TGFB2: variants seen among roughly 807,000 people sequenced by gnomAD.
The protein encoded by TGFB2 is transforming growth factor beta-2 proprotein.
In TGFB2, 13 loss-of-function variants were observed where a neutral mutation model predicts 42.7. That is an observed-to-expected ratio of 0.30 (90% confidence interval 0.20 to 0.48). The LOEUF (loss-of-function observed/expected upper bound fraction) is 0.48. Among genes scored for constraint, TGFB2 ranks in the 20% least tolerant of loss-of-function variants. The pLI is 0.99. For synonymous variants in TGFB2, 193 were observed against 193.6 expected (o/e 1.00, Z 0.03); for missense variants, 390 against 517.5 (o/e 0.75, Z 2.39).
intron 1 of TGFB2, among the ~76,000 whole-genome samples, chr1:218,396,337 G>C (rs1658510742): frequency 6.6e-6 from 1 of 152,112 alleles, no homozygotes; most frequent in Non-Finnish European, 1.5e-5. Flanking sequence ...AACAATTTTT[G>C]GAGGCTCCAT....
chr1:218,379,280 C>T (rs1489756847), intron 1 of TGFB2, among the ~76,000 whole-genome samples: 5 of 151,588 alleles, frequency 3.3e-5, no homozygotes, highest in Non-Finnish European at 5.9e-5. Context: ...CTACAGGCGC[C>T]CGCCACCACA....
At position 218,379,172 on chromosome 1, in the gene TGFB2, A is replaced by T. The variant is rs534053058; in HGVS notation, c.347-25997A>T. The stretch of plus-strand genomic sequence containing the variant: ...TTTAGAGACGGAGTCTCACTCTGTC[A>T]CCCAGGCTGGAGTGCAGTGGTGCGA... On this transcript the variant is annotated intron_variant, in intron 1 of 6. Coordinates refer to ENST00000366930, the MANE Select transcript of TGFB2 (RefSeq NM_003238.6). Among the ~76,000 whole-genome samples, 381 of 138,064 alleles carry T rather than the reference A, an allele frequency of 2.8e-3. 2 individuals are homozygous for T. Among genetic ancestry groups the T allele is most frequent in the African/African-American group, 9.9e-3 (363 of 36,524 alleles). 90.6% of individuals were successfully genotyped at this position (138,064 alleles called of 152,430 possible). A position where few individuals can be genotyped will look rare whatever the true frequency, so the allele number is the denominator to read the frequency against.
intron 6 of TGFB2, 71 bp downstream of exon 6, chr1:218,437,567 T>A: frequency 6.8e-7 from 1 of 1,473,280 alleles, no homozygotes; most frequent in Non-Finnish European, 9.1e-7. Context: ...TATTTCCAAA[T>A]GAGTTGTAAT....
intron 2 of TGFB2, among the ~76,000 whole-genome samples, chr1:218,413,772 A>ATTGCAT (rs1254581739): frequency 6.6e-6 from 1 of 152,196 alleles, no homozygotes; most frequent in African/African-American, 2.4e-5. Context: ...TTAATGTCTC[A>ATTGCAT]TTGCATTTGC....
intron 2 of TGFB2, among the ~76,000 whole-genome samples, chr1:218,418,202 C>T (rs1659342878): frequency 6.6e-6 from 1 of 152,222 alleles, no homozygotes; most frequent in Non-Finnish European, 1.5e-5. Flanking sequence ...GGGGGCTATA[C>T]CTTGCAAAGC....
At chr1:218,350,595 G>T (rs927881420) in intron 1 of TGFB2, among the ~76,000 whole-genome samples, 2 of 152,304 alleles carry the variant, frequency 1.3e-5, no homozygotes, top group South Asian at 2.1e-4. Flanking sequence ...TATGATCAAA[G>T]CATATTCAAA....
At chr1:218,405,744 C>G (rs577215668) in intron 2 of TGFB2, among the ~76,000 whole-genome samples, 1 of 152,214 alleles carries the variant, frequency 6.6e-6, no homozygotes, top group South Asian at 2.1e-4. Flanking sequence ...ATTTTCTTAG[C>G]TGATATAAGC....
chr1:218,351,889 A>C (rs921001916), intron 1 of TGFB2, among the ~76,000 whole-genome samples: 2 of 152,256 alleles, frequency 1.3e-5, no homozygotes, highest in African/African-American at 4.8e-5. Context: ...GAGATGTGAA[A>C]AAAGGGCTAA....
At position 218,345,926 on chromosome 1, in the gene TGFB2, T is replaced by C. The variant is rs1656651050; in HGVS notation, c.-776T>C. Among the ~76,000 whole-genome samples the C allele has an allele frequency of 6.6e-6, 1 of 151,646 alleles. No individual in the cohort carries two copies. The highest frequency in any genetic ancestry group is 1.5e-5 in the Non-Finnish European group (1 of 67,910). On this transcript the variant is annotated 5_prime_UTR_variant, in exon 1 of 7. Transcript: ENST00000366930. The stretch of plus-strand genomic sequence containing the variant: ...CAGGGTGTAGGCCACGGAGCGCAGC[T>C]CCCAGAGCAGGATCCGCGCCGCCTC...
chr1:218,353,706 G>T (rs1179551689), intron 1 of TGFB2, among the ~76,000 whole-genome samples: 2 of 152,188 alleles, frequency 1.3e-5, no homozygotes, highest in Non-Finnish European at 2.9e-5. Flanking sequence ...AGACCAGCCT[G>T]GGCAACATAG....
chr1:218,366,966 A>G (rs1289445018), intron 1 of TGFB2, among the ~76,000 whole-genome samples: 1 of 152,170 alleles, frequency 6.6e-6, no homozygotes, highest in African/African-American at 2.4e-5. Context: ...GCAGGCAAAT[A>G]TTGAGGTAGT....
intron 6 of TGFB2, among the ~76,000 whole-genome samples, chr1:218,439,940 G>C (rs1461207083): frequency 3.3e-5 from 5 of 152,204 alleles, no homozygotes; most frequent in Admixed American, 2.0e-4. Context: ...TTCTGTCTTA[G>C]GCTGAAAAAA....
chr1:218,395,039 A>T (rs1011367361), intron 1 of TGFB2, among the ~76,000 whole-genome samples: 1 of 152,142 alleles, frequency 6.6e-6, no homozygotes, highest in African/African-American at 2.4e-5. Context: ...TTCATTAAGC[A>T]TGTCAGAAGT....
At position 218,442,143 on chromosome 1, in the gene TGFB2, TC is replaced by T. The variant is rs886045983; in HGVS notation, c.*782del. The T allele has an allele frequency of 1.3e-5, 2 of 151,648 alleles. No homozygotes were observed. 9.4% of individuals were successfully genotyped at this position (151,648 alleles called of 1,614,324 possible). Reference sequence around the variant, plus strand: ...AAAAGAAACTTTCAGTCAGAATAAGTCTGTAAGTTTTTTTTTTTCTTTTTAA... The same window carrying T: ...AAAAGAAACTTTCAGTCAGAATAAGTTGTAAGTTTTTTTTTTTCTTTTTAA... On this transcript the variant is annotated 3_prime_UTR_variant, in exon 7 of 7. Coordinates refer to ENST00000366930, the MANE Select transcript of TGFB2 (RefSeq NM_003238.6).
At chr1:218,368,201 G>A (rs1362313147) in intron 1 of TGFB2, among the ~76,000 whole-genome samples, 2 of 152,010 alleles carry the variant, frequency 1.3e-5, no homozygotes, top group South Asian at 2.1e-4. Context: ...CTGGAGTACA[G>A]CAGCGTGATC....
At position 218,398,051 on chromosome 1, in the gene TGFB2, A is replaced by G. The variant is rs78558303; in HGVS notation, c.347-7118A>G. ...GACTCCAAGAAAGCTGATATTAAAC[A>G]CTAAAGCCTCCTTCTTCTTTTCCCC... is the stretch of plus-strand genomic sequence containing the variant. On this transcript the variant is annotated intron_variant, in intron 1 of 6. Coordinates refer to ENST00000366930, the MANE Select transcript of TGFB2 (RefSeq NM_003238.6). Among the ~76,000 whole-genome samples, 1,343 of 152,324 alleles carry G rather than the reference A, an allele frequency of 8.8e-3. 19 individuals are homozygous for G. The highest frequency in any genetic ancestry group is 0.03 in the African/African-American group (1,244 of 41,556).
intron 2 of TGFB2, among the ~76,000 whole-genome samples, chr1:218,426,450 A>G (rs1659628108): frequency 1.3e-5 from 2 of 152,206 alleles, no homozygotes; most frequent in South Asian, 4.1e-4. Flanking sequence ...CTGCTTTCCA[A>G]TGGCAGAGAA....
At chr1:218,415,722 A>AAAAAAG (rs1558253462) in intron 2 of TGFB2, among the ~76,000 whole-genome samples, 1 of 149,898 alleles carries the variant, frequency 6.7e-6, no homozygotes, top group African/African-American at 2.5e-5. Flanking sequence ...AAAAAAAAAA[A>AAAAAAG]AAGTTGCAGA....
intron 1 of TGFB2, among the ~76,000 whole-genome samples, chr1:218,381,865 A>C (rs561492261): frequency 6.6e-6 from 1 of 152,172 alleles, no homozygotes; most frequent in Admixed American, 6.5e-5. Context: ...GCGCGTGCCT[A>C]TGCACACAAT....
Sources: gnomAD v4.1 joint callset for allele counts (sites outside exome capture counted in the v4.1 genomes callset) on GRCh38, gnomAD v4.1.1 for gene constraint, MANE v1.5 for transcripts, NCBI Gene and HGNC (gene_info 2026-07-23, HGNC 2026-07-21) for gene names.